LDB2: variants seen among roughly 807,000 people sequenced by gnomAD.
LDB2 encodes the protein LIM domain binding 2.
Under a neutral mutation model 44.3 loss-of-function variants are expected in LDB2, and 12 were observed. The ratio of observed to expected loss-of-function variants is 0.27; its 90% CI spans 0.17 to 0.44. The LOEUF (loss-of-function observed/expected upper bound fraction) is 0.44, where lower values mean the gene tolerates loss of function less well. LDB2 is among the 20% of genes least tolerant of loss of function. The pLI, the probability that LDB2 is intolerant of heterozygous loss-of-function variation, is 1.00. For missense variants in LDB2, 344 were observed against 473.5 expected, an observed-to-expected ratio of 0.73 and a Z score of 2.54; for synonymous variants, 164 against 174.8, an observed-to-expected ratio of 0.94 and a Z score of 0.49.
At chr4:16,881,255 T>C (rs763792176) in intron 1 of LDB2, among the ~76,000 whole-genome samples, 1 of 152,228 alleles carries the variant, frequency 6.6e-6, no homozygotes, top group Non-Finnish European at 1.5e-5. Context: ...GTCACAGAGA[T>C]AGCTCTTGCT....
chr4:16,574,111 G>T (rs2152405656), intron 5 of LDB2, among the ~76,000 whole-genome samples: 1 of 152,276 alleles, frequency 6.6e-6, no homozygotes, highest in African/African-American at 2.4e-5. Flanking sequence ...GAGGCTACAT[G>T]CAGGGACCAA....
chr4:16,546,415 G>T (rs935117568), intron 5 of LDB2, among the ~76,000 whole-genome samples: 3 of 152,194 alleles, frequency 2.0e-5, no homozygotes, highest in Non-Finnish European at 4.4e-5. Context: ...ACCATATATA[G>T]ATAGATATAG....
At chr4:16,520,909 C>G (rs997914525) in intron 5 of LDB2, among the ~76,000 whole-genome samples, 5 of 152,174 alleles carry the variant, frequency 3.3e-5, no homozygotes, top group Non-Finnish European at 7.3e-5. Context: ...TCTGATTCTA[C>G]AGCCATAATT....
intron 2 of LDB2, among the ~76,000 whole-genome samples, chr4:16,726,026 C>T (rs1759377376): frequency 6.7e-6 from 1 of 150,322 alleles, no homozygotes; most frequent in Admixed American, 6.6e-5. Flanking sequence ...CATGTAACCA[C>T]TGAATTGTTT....
intron 1 of LDB2, among the ~76,000 whole-genome samples, chr4:16,841,002 T>TC (rs554524936): frequency 5.3e-4 from 81 of 152,008 alleles, no homozygotes; most frequent in African/African-American, 1.9e-3. Context: ...CAGCAGTGTT[T>TC]CCCCCGTCTC....
At chr4:16,694,716 A>T (rs768978560) in intron 2 of LDB2, among the ~76,000 whole-genome samples, 1 of 152,206 alleles carries the variant, frequency 6.6e-6, no homozygotes, top group Non-Finnish European at 1.5e-5. Flanking sequence ...CTAGCATCAC[A>T]TGGCCAAGAG....
At chr4:16,715,929 G>C (rs893164871) in intron 2 of LDB2, among the ~76,000 whole-genome samples, 5 of 152,128 alleles carry the variant, frequency 3.3e-5, no homozygotes, top group Admixed American at 6.6e-5. Context: ...TTAAGGCAGA[G>C]TTTATAGCTG....
chr4:16,628,676 C>T (rs1287988222), intron 2 of LDB2, among the ~76,000 whole-genome samples: 1 of 152,078 alleles, frequency 6.6e-6, no homozygotes, highest in African/African-American at 2.4e-5. Context: ...CTACAGCTCC[C>T]AGCGAGATAG....
At chr4:16,557,462 A>G (rs182456621) in intron 5 of LDB2, among the ~76,000 whole-genome samples, 1,677 of 152,296 alleles carry the variant, frequency 0.011, 34 homozygotes, top group African/African-American at 0.038. Flanking sequence ...GATTGCTAGC[A>G]CAGCAGTCTG....
intron 2 of LDB2, among the ~76,000 whole-genome samples, chr4:16,645,146 G>T (rs1042168336): frequency 1.3e-5 from 2 of 152,230 alleles, no homozygotes; most frequent in Non-Finnish European, 2.9e-5. Context: ...TTAGGCAAAA[G>T]ATCAAGTCCC....
chr4:16,730,598 C>G (rs953912588), intron 2 of LDB2, among the ~76,000 whole-genome samples: 7 of 152,202 alleles, frequency 4.6e-5, no homozygotes, highest in African/African-American at 1.7e-4. Flanking sequence ...AAGGTGGCAA[C>G]TAGTGTCTCC....
chr4:16,665,176 C>T (rs1395191667), intron 2 of LDB2, among the ~76,000 whole-genome samples: 2 of 151,736 alleles, frequency 1.3e-5, no homozygotes, highest in African/African-American at 2.4e-5. Flanking sequence ...CAGTTTGGAT[C>T]GGGTCTGAGC....
At chr4:16,727,103 A>C (rs924367101) in intron 2 of LDB2, among the ~76,000 whole-genome samples, 2 of 152,212 alleles carry the variant, frequency 1.3e-5, no homozygotes, top group Non-Finnish European at 2.9e-5. Flanking sequence ...TGGGTGAGAG[A>C]GATCAGTTTC....
At chr4:16,718,611 T>C (rs568937997) in intron 2 of LDB2, among the ~76,000 whole-genome samples, 2 of 152,132 alleles carry the variant, frequency 1.3e-5, no homozygotes, top group East Asian at 3.9e-4. Context: ...CCTTGAGATA[T>C]TTCTCCAAAA....
chr4:16,509,211 C>A (rs970716487), intron 6 of LDB2, among the ~76,000 whole-genome samples: 3 of 152,140 alleles, frequency 2.0e-5, no homozygotes, highest in African/African-American at 7.2e-5. Flanking sequence ...CTCTATTATA[C>A]CTTTATAGAA....
intron 2 of LDB2, among the ~76,000 whole-genome samples, chr4:16,706,641 T>C (rs748232004): frequency 2.0e-5 from 3 of 152,184 alleles, no homozygotes; most frequent in African/African-American, 4.8e-5. Context: ...AAGTTTAGTG[T>C]GTTAAGTGTT....
Position 16,692,342 on chromosome 4 carries a change from GTCT to G in LDB2, c.235+66813_235+66815del, listed in dbSNP as rs747107605. On this transcript the variant is annotated intron_variant, in intron 2 of 7. Transcript: ENST00000304523. ...GACCTTCAGAATAAGCATATCTGAC[GTCT>G]TCTTAAGTCCCTCGGCAAAATACAC... is the stretch of plus-strand genomic sequence containing the variant. 5.3e-4 allele frequency among the ~76,000 whole-genome samples: 81 copies of G among 152,210 alleles called. 1 individual carries two copies. The highest frequency in any genetic ancestry group is 9.3e-4 in the Non-Finnish European group (63 of 68,016).
At position 16,603,310 on chromosome 4, in the gene LDB2, G is replaced by T. The variant is rs184403417; in HGVS notation, c.236-7435C>A. Among the ~76,000 whole-genome samples, 28 of 152,292 alleles carry T rather than the reference G, an allele frequency of 1.8e-4. 1 individual carries two copies. In the South Asian group the frequency reaches 3.7e-3, roughly 20 times the overall value. On this transcript the variant is annotated intron_variant, in intron 2 of 7. Coordinates refer to ENST00000304523, the MANE Select transcript of LDB2 (RefSeq NM_001290.5). The stretch of plus-strand genomic sequence containing the variant: ...ACTAATGGCTTGTAAAGATAGTACA[G>T]AGTCCATGTGGAGAGAGTGAGGTGT...
At position 16,779,663 on chromosome 4, in the gene LDB2, G is replaced by A. The variant is rs532524158; in HGVS notation, c.133-20403C>T. ...GACTAACGTTTAGGGCTGTCAAGTG[G>A]TAAACCAGCCCTAATGCTGAGTAGT... On this transcript the variant is annotated intron_variant, in intron 1 of 7. Transcript: ENST00000304523. Among the ~76,000 whole-genome samples, 119 of 152,284 alleles carry A rather than the reference G, an allele frequency of 7.8e-4. 1 individual carries two copies. Among genetic ancestry groups the A allele is most frequent in the South Asian group, 1.7e-3 (8 of 4,820 alleles).
Sources: allele counts gnomAD v4.1 joint callset (sites outside exome capture counted in the v4.1 genomes callset), GRCh38; gene constraint gnomAD v4.1.1; transcripts MANE v1.5; gene names NCBI Gene and HGNC (gene_info 2026-07-23, HGNC 2026-07-21).